Variants in VPS52 observed in about 807,000 individuals in gnomAD.
VPS52 encodes the protein VPS52 subunit of GARP complex.
Under a neutral mutation model 98.7 loss-of-function variants are expected in VPS52, and 56 were observed. The observed-to-expected ratio is 0.57, with a 90% CI of 0.46 to 0.71. VPS52 has a LOEUF of 0.71. VPS52 is among the 30% of genes least tolerant of loss of function. The pLI, the probability that VPS52 is intolerant of heterozygous loss-of-function variation, is 0.00. For synonymous variants in VPS52, 348 were observed against 346.4 expected, an observed-to-expected ratio of 1.00 and a Z score of -0.05; for missense variants, 742 against 925.9, an observed-to-expected ratio of 0.80 and a Z score of 2.58.
intron 17 of VPS52, among the ~76,000 whole-genome samples, 175 bp from the exon 18 acceptor site, chr6:33,252,146 C>T (rs1383266536): frequency 6.6e-6 from 1 of 152,182 alleles, no homozygotes; most frequent in Non-Finnish European, 1.5e-5. Context: ...CCATACAGTT[C>T]CCCTGGTTAA....
chr6:33,251,812 T>C (rs974691773), intron 18 of VPS52, 48 bp downstream of exon 18: 2 of 1,591,622 alleles, frequency 1.3e-6, no homozygotes, highest in Admixed American at 3.3e-5. Context: ...ATTTTTCTTT[T>C]CCACTTCCCT....
rs878982754 is a variant in VPS52 at position 33,263,384 on chromosome 6, T to TACACACACACAC, written c.1794+88_1794+99dup. 2,368 of 558,998 alleles carry TACACACACACAC rather than the reference T, an allele frequency of 4.2e-3. 6 individuals carry two copies. The highest frequency in any genetic ancestry group is 0.018 in the African/African-American group (728 of 39,946). 34.6% of individuals were successfully genotyped at this position (558,998 alleles called of 1,614,324 possible). A position where few individuals can be genotyped will look rare whatever the true frequency, so the allele number is the denominator to read the frequency against. On this transcript the variant is annotated intron_variant, in intron 17 of 19. Transcript: ENST00000445902. Reference sequence around the variant, plus strand: ...ACCTGAGATCCATTATGCCACTCCCTACACACACACACACACACACACACA... The same window carrying TACACACACACAC: ...ACCTGAGATCCATTATGCCACTCCCTACACACACACACACACACACACACACACACACACACA...
In VPS52 at chr6:33,264,103, T is replaced by C; in HGVS notation, c.1525A>G (p.Ile509Val). The part of the protein sequence containing the change: ...LGGLDTRPHY[I>V]TRRYAEFSSA... ...GAGAACTCTGCATAGCGGCGTGTGA[T>C]CTAGGAGAGAGTGGGAAGGAAAATC... The change falls in exon 15 of 20, where the codon ATC (isoleucine) becomes GTC (valine). Residue 509 changes from isoleucine to valine, a missense_variant and splice_region_variant. Transcript: ENST00000445902. 3 of 1,613,906 alleles carry C rather than the reference T, an allele frequency of 1.9e-6. No individual in the cohort carries two copies. Among genetic ancestry groups the C allele is most frequent in the Non-Finnish European group, 2.5e-6 (3 of 1,179,942 alleles).
Position 33,250,744 on chromosome 6 carries a change from GA to G in VPS52, c.*96del. 1 of 1,510,130 alleles carries G rather than the reference GA, an allele frequency of 6.6e-7. No individual in the cohort carries two copies. The highest frequency in any genetic ancestry group is 8.9e-7 in the Non-Finnish European group (1 of 1,121,394). 93.5% of individuals were successfully genotyped at this position (1,510,130 alleles called of 1,614,324 possible). Reference sequence around the variant, plus strand: ...ATGTCAAGGGCCTGGGAAGCAAGGGGAAAACTGGAAGGGGTACCCCAGGTGA... The same window carrying G: ...ATGTCAAGGGCCTGGGAAGCAAGGGGAAACTGGAAGGGGTACCCCAGGTGA... On this transcript the variant is annotated 3_prime_UTR_variant, in exon 20 of 20. Coordinates refer to ENST00000445902, the MANE Select transcript of VPS52 (RefSeq NM_022553.6).
intron 5 of VPS52, 110 bp downstream of exon 5, chr6:33,269,379 GA>G: frequency 6.7e-7 from 1 of 1,484,932 alleles, no homozygotes. Context: ...AAGTCATCTT[GA>G]AAATGACCCT....
chr6:33,251,341 CA>C (rs1359622058), intron 19 of VPS52, among the ~76,000 whole-genome samples, 176 bp downstream of exon 19: 3 of 134,312 alleles, frequency 2.2e-5, no homozygotes, highest in Non-Finnish European at 1.6e-5. Context: ...GACTCTGTCT[CA>C]AAAAAAAAAC....
At chr6:33,261,547 T>C (rs371530510) in intron 17 of VPS52, among the ~76,000 whole-genome samples, 1 of 151,414 alleles carries the variant, frequency 6.6e-6, no homozygotes, top group African/African-American at 2.4e-5. Flanking sequence ...AATGAAACTA[T>C]ACCCCTATCT....
rs371529555 is a variant in VPS52, at chr6:33,267,181, C to T, written c.1125+7G>A. 3.3e-6 allele frequency: 5 copies of T among 1,495,842 alleles called. No homozygotes were observed. The highest frequency in any genetic ancestry group is 4.5e-6 in the Non-Finnish European group (5 of 1,122,224). 92.7% of individuals were successfully genotyped at this position (1,495,842 alleles called of 1,614,324 possible). A position where few individuals can be genotyped will look rare whatever the true frequency, so the allele number is the denominator to read the frequency against. On this transcript the variant is annotated splice_region_variant and intron_variant, in intron 11 of 19. Coordinates refer to ENST00000445902, the MANE Select transcript of VPS52 (RefSeq NM_022553.6). The surrounding 1 kb of genome is among the most constrained non-coding windows in gnomAD (Gnocchi z 4.2). ...CTTTCGTGACTGAAGCTTGTTCCTCCTCATACCCTCTGCTCTCCGCGCTGC... is the reference window on the plus strand; with the variant it reads ...CTTTCGTGACTGAAGCTTGTTCCTCTTCATACCCTCTGCTCTCCGCGCTGC...
At chr6:33,264,940 G>A (rs1200911894) in intron 12 of VPS52, 40 bp from the exon 13 acceptor site, 24 of 1,546,718 alleles carry the variant, frequency 1.6e-5, no homozygotes, top group Non-Finnish European at 2.1e-5. Context: ...AAAAGAGAAT[G>A]TCAGTTTGTT....
chr6:33,267,392 C>A lies in VPS52; in HGVS notation c.992-71G>T. 1 of 1,515,494 alleles carries A rather than the reference C, an allele frequency of 6.6e-7. No individual in the cohort carries two copies. The highest frequency in any genetic ancestry group is 1.4e-5 in the African/African-American group (1 of 71,790). The allele number at this position is 1,515,494 out of a possible 1,614,324, so 93.9% of individuals were successfully genotyped here. On this transcript the variant is annotated intron_variant, in intron 10 of 19. Coordinates refer to ENST00000445902, the MANE Select transcript of VPS52 (RefSeq NM_022553.6). This position sits in a 1 kb window ranked among gnomAD's most constrained non-coding sequence, Gnocchi z 4.2. The stretch of plus-strand genomic sequence containing the variant: ...CCCAAAGACTCACTATCTGTGGGGA[C>A]CCCAGACAGGCAGACGTGGCCTAGC...
Position 33,264,857 on chromosome 6 carries a change from G to C in VPS52, c.1325C>G (p.Ala442Gly). Residue 442 changes from alanine to glycine, a missense_variant, in exon 13 of 20, where the codon GCT becomes GGT. Physicochemically the swap from Ala to Gly is moderately conservative, Grantham distance 60. This residue lies in a region of VPS52 where 590 missense variants were observed against 793.3 expected (regional missense o/e 0.74). Transcript: ENST00000445902. ...AACAATGTGGATACAGAGAAAAACA[G>C]CAATGGCATCGTAGCAGTCAGCTAG... ...SYLADCYDAI[A>G]VFLCIHIVLR... The C allele has an allele frequency of 6.2e-7, 1 of 1,613,040 alleles. No homozygotes were observed. Among genetic ancestry groups the C allele is most frequent in the Non-Finnish European group, 8.5e-7 (1 of 1,180,026 alleles).
upstream of VPS52, chr6:33,271,951 T>A (rs1425283683): frequency 9.5e-7 from 1 of 1,057,550 alleles, no homozygotes; most frequent in African/African-American, 1.6e-5. Context: ...GAAGTTGTGG[T>A]ACCCAAGCCA....
Position 33,266,722 on chromosome 6 carries a change from G to A in VPS52, c.1126-10C>T. The A allele has an allele frequency of 1.3e-6, 2 of 1,597,234 alleles. No individual in the cohort carries two copies. Among genetic ancestry groups the A allele is most frequent in the South Asian group, 2.2e-5 (2 of 89,340 alleles). On this transcript the variant is annotated splice_polypyrimidine_tract_variant and intron_variant, in intron 11 of 19. Transcript: ENST00000445902. ...GGGCCTCAAATGGATACTGGGAGAG[G>A]AGGAGTAAAGAAGAAAAACAGAAGG...
chr6:33,257,819 G>A (rs1192293554), intron 17 of VPS52, among the ~76,000 whole-genome samples: 1 of 151,950 alleles, frequency 6.6e-6, no homozygotes, highest in African/African-American at 2.4e-5. Context: ...ACCAGCCTGG[G>A]CAACATAGTG....
At chr6:33,254,275 GTAAATAAATAAA>G (rs550435201) in intron 17 of VPS52, among the ~76,000 whole-genome samples, 75 of 151,734 alleles carry the variant, frequency 4.9e-4, no homozygotes, top group African/African-American at 1.6e-3. Context: ...ACTTGTCTCA[GTAAATAAATAAA>G]TAAATAAATA....
chr6:33,271,725 C>A lies in VPS52; in HGVS notation c.-50G>T. The A allele has an allele frequency of 6.4e-7, 1 of 1,560,736 alleles. No homozygotes were observed. The highest frequency in any genetic ancestry group is 2.4e-5 in the East Asian group (1 of 42,516). ...CTGTCAGTCCCGGCGAGTCCGTTCC[C>A]CGGAGTGGAGCTACAAGTCCCAAAG... On this transcript the variant is annotated 5_prime_UTR_variant, in exon 1 of 20. Coordinates refer to ENST00000445902, the MANE Select transcript of VPS52 (RefSeq NM_022553.6).
chr6:33,255,411 G>A (rs115100599), intron 17 of VPS52, among the ~76,000 whole-genome samples: 4,077 of 147,208 alleles, frequency 0.028, 82 homozygotes, highest in Middle Eastern at 0.066. Flanking sequence ...CAATGATCCC[G>A]CCTCAGCCTC....
intron 16 of VPS52, 32 bp downstream of exon 16, chr6:33,263,740 G>A: frequency 6.2e-7 from 1 of 1,613,208 alleles, no homozygotes; most frequent in Non-Finnish European, 8.5e-7. Flanking sequence ...AATTTTCTGG[G>A]TAGGAAGGCA....
chr6:33,271,561 A>G (rs1015114256), intron 1 of VPS52, 25 bp downstream of exon 1: 4 of 1,582,442 alleles, frequency 2.5e-6, no homozygotes, highest in Non-Finnish European at 3.4e-6. Context: ...GGAACTACGG[A>G]GGAGAAACAG....
Sources: gnomAD v4.1 joint callset for allele counts (sites outside exome capture counted in the v4.1 genomes callset) on GRCh38, gnomAD v4.1.1 for gene constraint, gnomAD v4.1.1 regional missense constraint, Gnocchi (gnomAD v3.1) non-coding constraint, MANE v1.5 for transcripts, NCBI Gene and HGNC (gene_info 2026-07-23, HGNC 2026-07-21) for gene names.